Variants in EP400 observed in about 807,000 individuals in gnomAD.
EP400 encodes E1A-binding protein p400.
Under a neutral mutation model 354.1 loss-of-function variants are expected in EP400, and 105 were observed. That is an observed-to-expected ratio of 0.30 (90% CI 0.25 to 0.35). The LOEUF (loss-of-function observed/expected upper bound fraction) is 0.35. EP400 is among the 10% of genes least tolerant of loss of function. The pLI is 1.00. For missense variants in EP400, 3,280 were observed against 4,121.0 expected (o/e 0.80, Z 5.59); for synonymous variants, 1,646 against 1,716.9 (o/e 0.96, Z 1.02).
intron 10 of EP400, among the ~76,000 whole-genome samples, 188 bp downstream of exon 10, chr12:131,991,644 G>A (rs1223921247): frequency 1.3e-5 from 2 of 149,512 alleles, no homozygotes; most frequent in Non-Finnish European, 3.0e-5. Context: ...GAAGTGGCAC[G>A]ATCTCAGCTC....
At position 132,017,632 on chromosome 12, in the gene EP400, C is replaced by G; in HGVS notation, c.4021C>G (p.Arg1341Gly). ...ICNHPGLVEP[R>G]HPGSSYVAGP... ...CAACCACCCTGGGCTCGTCGAGCCCCGGCACCCAGGCTCTTCCTACGTGGC... is the reference window on the plus strand; with the variant it reads ...CAACCACCCTGGGCTCGTCGAGCCCGGGCACCCAGGCTCTTCCTACGTGGC... The change falls in exon 20 of 53, where the codon CGG becomes GGG. Residue 1341 changes from arginine (R) to glycine (G), a missense_variant. By Grantham distance (125) the Arg-to-Gly change is moderately radical. This residue lies in a region of EP400 where 342 missense variants were observed against 342.7 expected (regional missense o/e 1.00). Transcript: ENST00000389561. The surrounding 1 kb of genome is among the most constrained non-coding windows in gnomAD (Gnocchi z 5.0). The G allele has an allele frequency of 6.2e-7, 1 of 1,609,596 alleles. No individual in the cohort carries two copies. The highest frequency in any genetic ancestry group is 8.5e-7 in the Non-Finnish European group (1 of 1,177,410).
chr12:132,053,402 GCCGCAGCCCCCACCACCC>G lies in EP400; in HGVS notation c.7541_7558del (p.Pro2514_Gln2519del), dbSNP rs907585544. The stretch of plus-strand genomic sequence containing the variant: ...CCGTGGCCCAGCCACCCCCGCCCCA[GCCGCAGCCCCCACCACCC>G]CCGCAGCAGCCACCGCCACCGCTGC... On this transcript the variant is annotated inframe_deletion, in exon 43 of 53. Transcript: ENST00000389561. 1 of 890,650 alleles carries G rather than the reference GCCGCAGCCCCCACCACCC, an allele frequency of 1.1e-6. No individual in the cohort carries two copies. The highest frequency in any genetic ancestry group is 1.5e-6 in the Non-Finnish European group (1 of 669,972). The allele number at this position is 890,650 out of a possible 1,614,324, so 55.2% of individuals were successfully genotyped here.
intron 21 of EP400, 47 bp from the exon 22 acceptor site, chr12:132,020,002 G>C: frequency 6.8e-7 from 1 of 1,466,454 alleles, no homozygotes; most frequent in African/African-American, 1.4e-5. Flanking sequence ...TGTCCTCTCT[G>C]TGGTCTGATG....
chr12:132,048,597 A>G (rs1353668379), intron 39 of EP400, among the ~76,000 whole-genome samples: 1 of 148,454 alleles, frequency 6.7e-6, no homozygotes, highest in African/African-American at 2.5e-5. Context: ...ATCTCGGCTC[A>G]CTGCAACCTC....
At chr12:132,064,992 G>C (rs1253059945) in intron 48 of EP400, 106 bp downstream of exon 48, 1 of 1,476,354 alleles carries the variant, frequency 6.8e-7, no homozygotes. Flanking sequence ...GAGTGAGTGT[G>C]AGACGGGTTC....
At chr12:132,057,055 C>T (rs909925507) in intron 45 of EP400, among the ~76,000 whole-genome samples, 1 of 152,162 alleles carries the variant, frequency 6.6e-6, no homozygotes, top group Non-Finnish European at 1.5e-5. Context: ...GCAGCGAGGA[C>T]CCTCTCACAA....
intron 48 of EP400, chr12:132,065,241 G>A: frequency 3.2e-6 from 1 of 315,744 alleles, no homozygotes; most frequent in South Asian, 5.6e-5. Context: ...GTGCATGTAA[G>A]CCGTAGGCAT....
chr12:132,010,819 G>GT (rs1210142601), intron 15 of EP400, among the ~76,000 whole-genome samples: 1 of 152,164 alleles, frequency 6.6e-6, no homozygotes, highest in East Asian at 1.9e-4. Context: ...GCGTGTGCCT[G>GT]TAATCCCAGC....
rs745488213 is a variant in EP400 at position 132,069,569 on chromosome 12, C to G, written c.8949C>G (p.Thr2983=). ...VAYAAQPALK[T]QFLTTPISQA... ...ACGCCGCGCAGCCGGCCCTTAAGAC[C>G]CAGTTTCTTACCACACCCATCTCCC... is the stretch of plus-strand genomic sequence containing the variant. Residue 2983 remains threonine, a synonymous_variant, in exon 51 of 53, where the codon ACC becomes ACG. Transcript: ENST00000389561. 6.2e-7 allele frequency: 1 copy of G among 1,614,240 alleles called. No homozygotes were observed. Among genetic ancestry groups the G allele is most frequent in the East Asian group, 2.2e-5 (1 of 44,892 alleles).
chr12:131,952,203 T>C (rs1891528660), intron 1 of EP400, among the ~76,000 whole-genome samples: 1 of 141,542 alleles, frequency 7.1e-6, no homozygotes, highest in Admixed American at 7.6e-5. Context: ...CTCGGGAGGC[T>C]GAGGCAGGAG....
intron 23 of EP400, 85 bp from the exon 24 acceptor site, chr12:132,023,690 TTA>T (rs1364788121): frequency 7.5e-7 from 1 of 1,330,768 alleles, no homozygotes; most frequent in Non-Finnish European, 1.0e-6. Flanking sequence ...TAGATGGTCA[TTA>T]TATACAAGAA....
Position 132,078,312 on chromosome 12 carries a change from C to T in EP400, c.*639C>T, listed in dbSNP as rs565582365. 6.5e-6 allele frequency: 1 copy of T among 152,748 alleles called. No individual in the cohort carries two copies. Among genetic ancestry groups the T allele is most frequent in the South Asian group, 2.1e-4 (1 of 4,838 alleles). 9.5% of individuals were successfully genotyped at this position (152,748 alleles called of 1,614,324 possible). On this transcript the variant is annotated 3_prime_UTR_variant, in exon 53 of 53. Coordinates refer to ENST00000389561, the MANE Select transcript of EP400 (RefSeq NM_015409.5). ...ACAAGGCACGTTCCTGGCCTGTGTTCAAGGGAAATGATCAGTCATTGCATT... is the reference window on the plus strand; with the variant it reads ...ACAAGGCACGTTCCTGGCCTGTGTTTAAGGGAAATGATCAGTCATTGCATT...
At chr12:131,978,115 G>A (rs973511904) in intron 2 of EP400, among the ~76,000 whole-genome samples, 1 of 152,208 alleles carries the variant, frequency 6.6e-6, no homozygotes, top group Non-Finnish European at 1.5e-5. Flanking sequence ...GCTAGTTTCT[G>A]TCTTTGTAAA....
intron 1 of EP400, among the ~76,000 whole-genome samples, chr12:131,959,429 A>G (rs911130352): frequency 2.6e-5 from 4 of 152,072 alleles, no homozygotes; most frequent in Admixed American, 6.5e-5. Context: ...TCCCCTGTAG[A>G]TACTGGAGTC....
chr12:132,044,458 T>C (rs894284312), intron 35 of EP400, 147 bp downstream of exon 35: 13 of 1,311,818 alleles, frequency 9.9e-6, no homozygotes, highest in African/African-American at 5.9e-5. Context: ...ACCTCACTTA[T>C]GTTCTAAAAA....
intron 5 of EP400, among the ~76,000 whole-genome samples, chr12:131,982,894 T>TG (rs1183481614): frequency 1.3e-5 from 2 of 150,626 alleles, no homozygotes; most frequent in Non-Finnish European, 2.9e-5. Context: ...CACTTGAACC[T>TG]GGGAGGTGAA....
At chr12:131,975,586 G>T (rs1482076497) in intron 2 of EP400, among the ~76,000 whole-genome samples, 1 of 151,768 alleles carries the variant, frequency 6.6e-6, no homozygotes, top group East Asian at 1.9e-4. Flanking sequence ...TTGAGATAGG[G>T]TCTCACTCTG....
chr12:132,056,622 C>T (rs186957313), intron 45 of EP400, among the ~76,000 whole-genome samples: 69 of 152,286 alleles, frequency 4.5e-4, no homozygotes, highest in Non-Finnish European at 9.3e-4. Context: ...CATGTAAAAG[C>T]AAAAACTACA....
chr12:132,027,628 A>G lies in EP400; in HGVS notation c.5109+97A>G, dbSNP rs752373255. 1.0e-6 allele frequency: 1 copy of G among 965,100 alleles called. No individual in the cohort carries two copies. The highest frequency in any genetic ancestry group is 1.6e-5 in the African/African-American group (1 of 60,738). 59.8% of individuals were successfully genotyped at this position (965,100 alleles called of 1,614,324 possible). A position where few individuals can be genotyped will look rare whatever the true frequency, so the allele number is the denominator to read the frequency against. On this transcript the variant is annotated intron_variant, in intron 26 of 52. Transcript: ENST00000389561. This position sits in a 1 kb window ranked among gnomAD's most constrained non-coding sequence, Gnocchi z 4.9. The stretch of plus-strand genomic sequence containing the variant: ...TTGTGATATTTAAAGGCTCCTGTGA[A>G]TTCTCAAGTGATGTTACTGAATTCT...
Sources: allele counts gnomAD v4.1 joint callset (sites outside exome capture counted in the v4.1 genomes callset), GRCh38; gene constraint gnomAD v4.1.1; regional missense constraint gnomAD v4.1.1; non-coding constraint Gnocchi (gnomAD v3.1); transcripts MANE v1.5; gene names NCBI Gene and HGNC (gene_info 2026-07-23, HGNC 2026-07-21).